The following SEMA3D variants were observed in gnomAD, a reference collection of about 807,000 sequenced individuals.
The protein encoded by SEMA3D is semaphorin 3D, also known as semaphorin-3D.
Under a neutral mutation model 100.1 loss-of-function variants are expected in SEMA3D, and 84 were observed. The observed-to-expected ratio is 0.84, with a 90% CI of 0.70 to 1.01. The LOEUF is 1.01. Among genes scored for constraint, SEMA3D ranks in the 50% least tolerant of loss-of-function variants. The pLI, the probability that SEMA3D is intolerant of heterozygous loss-of-function variation, is 0.00. For missense variants in SEMA3D, 875 were observed against 934.1 expected (o/e 0.94, Z 0.82); for synonymous variants, 312 against 320.7 (o/e 0.97, Z 0.29).
intron 1 of SEMA3D, among the ~76,000 whole-genome samples, chr7:85,169,769 CA>C (rs982302265): frequency 2.6e-5 from 4 of 151,644 alleles, no homozygotes; most frequent in African/African-American, 9.7e-5. Flanking sequence ...ACTCTACTTA[CA>C]TTTTTTTTCA....
intron 4 of SEMA3D, among the ~76,000 whole-genome samples, chr7:85,095,522 T>C (rs1233113765): frequency 6.6e-6 from 1 of 152,008 alleles, no homozygotes; most frequent in Non-Finnish European, 1.5e-5. Flanking sequence ...AGTCCCAACA[T>C]GTGTGGTTTC....
At chr7:85,037,640 C>G (rs953265270) in intron 11 of SEMA3D, among the ~76,000 whole-genome samples, 1 of 151,772 alleles carries the variant, frequency 6.6e-6, no homozygotes, top group African/African-American at 2.4e-5. Flanking sequence ...CAATCTTTTT[C>G]TTTTTGGTCC....
At chr7:85,017,153 A>G (rs7793649) in intron 15 of SEMA3D, among the ~76,000 whole-genome samples, 57,650 of 151,082 alleles carry the variant, frequency 0.38, 12,014 homozygotes, top group African/African-American at 0.57. Context: ...GTTGGCATAT[A>G]CTCCTCCATT....
chr7:85,148,036 T>A (rs1790265244), intron 2 of SEMA3D, among the ~76,000 whole-genome samples: 2 of 152,118 alleles, frequency 1.3e-5, no homozygotes, highest in South Asian at 4.1e-4. Flanking sequence ...AATCAAATTA[T>A]CTCTTCTATG....
At position 85,065,550 on chromosome 7, in the gene SEMA3D, C is replaced by T. The variant is rs549337695; in HGVS notation, c.592G>A (p.Glu198Lys). Residue 198 changes from glutamate (E) to lysine (K), a missense_variant and splice_region_variant, in exon 8 of 19, where the codon GAG becomes AAG. By Grantham distance (56) the Glu-to-Lys change is moderately conservative. Transcript: ENST00000284136. ...GAAGCTGTTCCAGAGTAGAGGTACT[C>T]ATCTGAGAGGGAGAAAAAAGTACAC... ...QQPFASVMTD[E>K]YLYSGTASDF... 80 of 1,612,430 alleles carry T rather than the reference C, an allele frequency of 5.0e-5. 1 individual carries two copies. The highest frequency in any genetic ancestry group is 4.8e-4 in the Admixed American group (29 of 59,964).
intron 9 of SEMA3D, among the ~76,000 whole-genome samples, chr7:85,054,525 G>A (rs982163286): frequency 6.6e-6 from 1 of 152,098 alleles, no homozygotes; most frequent in Non-Finnish European, 1.5e-5. Flanking sequence ...TCCCCTGGGG[G>A]TGAGGGGATC....
chr7:85,019,548 C>T (rs1047676250), intron 14 of SEMA3D, among the ~76,000 whole-genome samples: 17 of 151,616 alleles, frequency 1.1e-4, no homozygotes, highest in Non-Finnish European at 2.1e-4. Context: ...AATAAACTGT[C>T]TCAATAAAAA....
At chr7:85,202,262 T>C in the SEMA3D span, among the ~76,000 whole-genome samples, 92,579 of 140,526 alleles carry the variant, frequency 0.66, 30,823 homozygotes, top group East Asian at 0.92. Context: ...CCTGTGTCCA[T>C]GTGATCTCAT....
At chr7:85,091,409 A>T (rs1788389821) in intron 4 of SEMA3D, among the ~76,000 whole-genome samples, 1 of 151,956 alleles carries the variant, frequency 6.6e-6, no homozygotes, top group African/African-American at 2.4e-5. Flanking sequence ...ATATGGAAGG[A>T]TCCCAACAAT....
intron 18 of SEMA3D, among the ~76,000 whole-genome samples, chr7:85,003,247 T>C (rs1432747616): frequency 6.6e-6 from 1 of 152,098 alleles, no homozygotes; most frequent in African/African-American, 2.4e-5. Flanking sequence ...ATCCATCTAT[T>C]ATACCACAAA....
intron 1 of SEMA3D, among the ~76,000 whole-genome samples, chr7:85,159,315 C>T (rs549941669): frequency 2.3e-4 from 35 of 152,212 alleles, no homozygotes; most frequent in African/African-American, 7.9e-4. Context: ...TGAAAACACT[C>T]CAGGTGGTAG....
Position 85,118,479 on chromosome 7 carries a change from A to C in SEMA3D, c.151+3262T>G, listed in dbSNP as rs538962082. ...TGGTTGATTTGGGTTTTCTTATTTT[A>C]AAAATTGTTGAGATTTTTTTCTGGC... On this transcript the variant is annotated intron_variant, in intron 3 of 18. Coordinates refer to ENST00000284136, the MANE Select transcript of SEMA3D (RefSeq NM_001384900.1). Among the ~76,000 whole-genome samples the C allele has an allele frequency of 7.2e-5, 11 of 152,018 alleles. No individual in the cohort carries two copies. The East Asian group carries it at 2.1e-3, about 29-fold the overall frequency.
the SEMA3D span, among the ~76,000 whole-genome samples, chr7:85,223,514 A>G: frequency 6.6e-6 from 1 of 151,800 alleles, no homozygotes; most frequent in Non-Finnish European, 1.5e-5. Flanking sequence ...TAAATAAAAT[A>G]TGATATATAT....
chr7:85,203,224 G>A, the SEMA3D span, among the ~76,000 whole-genome samples: 1 of 152,170 alleles, frequency 6.6e-6, no homozygotes, highest in Non-Finnish European at 1.5e-5. Flanking sequence ...GTGGTAGTCA[G>A]CAAGTTAGCA....
the SEMA3D span, among the ~76,000 whole-genome samples, chr7:85,216,212 G>A: frequency 1.7e-3 from 264 of 152,066 alleles, no homozygotes; most frequent in African/African-American, 6.2e-3. Context: ...GAGGATACAG[G>A]TTTACTTCAT....
At chr7:85,008,848 CTT>C (rs1205169802) in intron 17 of SEMA3D, among the ~76,000 whole-genome samples, 1 of 151,658 alleles carries the variant, frequency 6.6e-6, no homozygotes, top group Non-Finnish European at 1.5e-5. Flanking sequence ...TGTACACAAA[CTT>C]TGTTTCATGT....
chr7:85,147,327 C>T (rs1030339110), intron 2 of SEMA3D, among the ~76,000 whole-genome samples: 2 of 151,834 alleles, frequency 1.3e-5, no homozygotes, highest in African/African-American at 4.8e-5. Flanking sequence ...GTCTCAAATG[C>T]CTGACCTCAA....
At chr7:85,210,116 C>T in the SEMA3D span, among the ~76,000 whole-genome samples, 4 of 152,132 alleles carry the variant, frequency 2.6e-5, no homozygotes, top group East Asian at 3.9e-4. Context: ...CTAAACAACA[C>T]CCATGTTTTG....
At chr7:85,088,596 G>A (rs1788291090) in intron 4 of SEMA3D, among the ~76,000 whole-genome samples, 2 of 152,202 alleles carry the variant, frequency 1.3e-5, no homozygotes, top group Non-Finnish European at 2.9e-5. Flanking sequence ...TGGTTACTCT[G>A]GGTTCCCAGG....
Sources: gnomAD v4.1 joint callset for allele counts (sites outside exome capture counted in the v4.1 genomes callset) on GRCh38, gnomAD v4.1.1 for gene constraint, MANE v1.5 for transcripts, NCBI Gene and HGNC (gene_info 2026-07-23, HGNC 2026-07-21) for gene names.